Variants in ADAMTSL3 observed in about 807,000 individuals in gnomAD.
The protein encoded by ADAMTSL3 is ADAMTS like 3.
In ADAMTSL3, 128 loss-of-function variants were observed where a neutral mutation model predicts 201.7. The ratio of observed to expected loss-of-function variants is 0.63; its 90% CI spans 0.55 to 0.73. The LOEUF (loss-of-function observed/expected upper bound fraction) is 0.73, where lower values mean the gene tolerates loss of function less well. Ranked by LOEUF, ADAMTSL3 falls within the 30% of genes least tolerant of loss-of-function variation. The pLI is 0.00. For synonymous variants in ADAMTSL3, 738 were observed against 748.4 expected, an observed-to-expected ratio of 0.99 and a Z score of 0.23; for missense variants, 1,990 against 2,119.6, an observed-to-expected ratio of 0.94 and a Z score of 1.20.
At chr15:83,746,717 C>T (rs942712675) in intron 3 of ADAMTSL3, among the ~76,000 whole-genome samples, 9 of 152,056 alleles carry the variant, frequency 5.9e-5, no homozygotes, top group African/African-American at 2.2e-4. Flanking sequence ...AAAGTGAAGT[C>T]AGCCAGGCAT....
intron 3 of ADAMTSL3, among the ~76,000 whole-genome samples, chr15:83,714,167 G>A (rs963047887): frequency 6.6e-6 from 1 of 152,112 alleles, no homozygotes; most frequent in Non-Finnish European, 1.5e-5. Flanking sequence ...GGCTTTCCTG[G>A]CACTGAGACA....
intron 23 of ADAMTSL3, among the ~76,000 whole-genome samples, chr15:84,005,548 T>C (rs1047994857): frequency 2.0e-5 from 3 of 152,202 alleles, no homozygotes; most frequent in Non-Finnish European, 2.9e-5. Flanking sequence ...ACTGGCACTT[T>C]CTAGCCTATA....
rs142866961 is a variant in ADAMTSL3, at chr15:83,817,941, G to A, written c.364-1870G>A. 6.3e-3 allele frequency among the ~76,000 whole-genome samples: 961 copies of A among 152,186 alleles called. 9 individuals carry two copies. The highest frequency in any genetic ancestry group is 0.021 in the African/African-American group (887 of 41,530). On this transcript the variant is annotated intron_variant, in intron 5 of 29. Transcript: ENST00000286744. ...CGGGCACCTGTAATCCCAGCTACTC[G>A]AGAGGCTGAGACAGGAGAATCACTT...
Position 83,823,937 on chromosome 15 carries a change from CT to C in ADAMTSL3, c.600+3892del, listed in dbSNP as rs1567169629. 5.2e-3 allele frequency among the ~76,000 whole-genome samples: 626 copies of C among 121,470 alleles called. 36 individuals carry two copies. The East Asian group carries it at 0.067, about 13-fold the overall frequency. The allele number at this position is 121,470 out of a possible 152,430, so 79.7% of individuals were successfully genotyped here. On this transcript the variant is annotated intron_variant, in intron 6 of 29. Coordinates refer to ENST00000286744, the MANE Select transcript of ADAMTSL3 (RefSeq NM_207517.3). ...TCTTCTTCTTCTTCTTCTTCTTCTT[CT>C]TCTTCTTCTTCTTCTTCTTCTTCTT...
rs185596529 is a variant in ADAMTSL3, at chr15:83,792,697, C to T, written c.318-11953C>T. 1.5e-3 allele frequency among the ~76,000 whole-genome samples: 222 copies of T among 151,902 alleles called. 1 individual carries two copies. Among genetic ancestry groups the T allele is most frequent in the African/African-American group, 5.2e-3 (216 of 41,398 alleles). On this transcript the variant is annotated intron_variant, in intron 4 of 29. Transcript: ENST00000286744. ...ACTCAGGAGGCTGAGGCAGGAGAAT[C>T]GCTTGAACCTGGGAGACAGAGGTTG...
chr15:83,862,661 A>C (rs1044170521), intron 8 of ADAMTSL3: 18 of 152,238 alleles, frequency 1.2e-4, no homozygotes, highest in Non-Finnish European at 2.5e-4. Flanking sequence ...GCCACTGCAA[A>C]AACATGCCAA....
At chr15:83,787,668 C>G (rs912454258) in intron 4 of ADAMTSL3, among the ~76,000 whole-genome samples, 2 of 152,156 alleles carry the variant, frequency 1.3e-5, no homozygotes, top group African/African-American at 4.8e-5. Context: ...CTATCTGATT[C>G]TCTTGGTGTT....
chr15:83,951,003 C>CTTT (rs75663059), intron 19 of ADAMTSL3, among the ~76,000 whole-genome samples: 1 of 133,468 alleles, frequency 7.5e-6, no homozygotes, highest in Non-Finnish European at 1.6e-5. Context: ...CTTTTCTTTT[C>CTTT]TTTTTTTTTT....
intron 16 of ADAMTSL3, among the ~76,000 whole-genome samples, chr15:83,919,536 T>C (rs181166966): frequency 2.6e-5 from 4 of 152,130 alleles, no homozygotes; most frequent in African/African-American, 9.6e-5. Context: ...GGAAACCAGA[T>C]TTGAAAGGGT....
At chr15:83,800,287 C>T (rs2063497001) in intron 4 of ADAMTSL3, among the ~76,000 whole-genome samples, 1 of 152,108 alleles carries the variant, frequency 6.6e-6, no homozygotes, top group African/African-American at 2.4e-5. Flanking sequence ...ATAAAATGCT[C>T]TCTTTTTCAT....
intron 13 of ADAMTSL3, among the ~76,000 whole-genome samples, chr15:83,893,141 A>G (rs1406432388): frequency 6.6e-6 from 1 of 152,206 alleles, no homozygotes; most frequent in Non-Finnish European, 1.5e-5. Context: ...CGTAATTAAT[A>G]TTAAGTACTG....
intron 3 of ADAMTSL3, among the ~76,000 whole-genome samples, chr15:83,765,942 A>G (rs1020168701): frequency 6.6e-6 from 1 of 152,232 alleles, no homozygotes; most frequent in Non-Finnish European, 1.5e-5. Flanking sequence ...ATTAGAAATT[A>G]TAGATGATCA....
intron 2 of ADAMTSL3, among the ~76,000 whole-genome samples, chr15:83,698,802 C>T (rs764347087): frequency 3.7e-4 from 57 of 152,172 alleles, no homozygotes; most frequent in Non-Finnish European, 5.7e-4. Flanking sequence ...TCAAAGTCAA[C>T]GTTGACTTCC....
At chr15:83,956,017 C>T (rs1415381057) in intron 19 of ADAMTSL3, among the ~76,000 whole-genome samples, 7 of 152,142 alleles carry the variant, frequency 4.6e-5, no homozygotes, top group African/African-American at 1.7e-4. Flanking sequence ...CCTTCCTAGA[C>T]TGCCTTTCAA....
chr15:83,731,107 T>A (rs1283782706), intron 3 of ADAMTSL3, among the ~76,000 whole-genome samples: 1 of 152,118 alleles, frequency 6.6e-6, no homozygotes. Context: ...ATTTATGGAC[T>A]CACTCTTTGG....
rs977413504 is a variant in ADAMTSL3, at chr15:83,891,220, C to T, written c.1212-109C>T. On this transcript the variant is annotated intron_variant, in intron 11 of 29. Coordinates refer to ENST00000286744, the MANE Select transcript of ADAMTSL3 (RefSeq NM_207517.3). ...TGATAACACTTGATATTTTTAGTTT[C>T]CAATTTGGAAGAGCTCTGTCTCTTG... The T allele has an allele frequency of 6.3e-6, 6 of 948,418 alleles. No individual in the cohort carries two copies. In the African/African-American group the frequency reaches 8.3e-5, roughly 13 times the overall value. 58.8% of individuals were successfully genotyped at this position (948,418 alleles called of 1,614,324 possible).
intron 8 of ADAMTSL3, among the ~76,000 whole-genome samples, chr15:83,867,164 A>G (rs2064996336): frequency 6.6e-6 from 1 of 152,232 alleles, no homozygotes; most frequent in Non-Finnish European, 1.5e-5. Flanking sequence ...TTCTTTTAAT[A>G]TCCACATTAA....
At chr15:83,903,426 T>A (rs543496295) in intron 15 of ADAMTSL3, among the ~76,000 whole-genome samples, 1 of 152,058 alleles carries the variant, frequency 6.6e-6, no homozygotes, top group African/African-American at 2.4e-5. Context: ...CAGCAATAAC[T>A]CCCTACTCCC....
Position 84,021,538 on chromosome 15 carries a change from C to T in ADAMTSL3, c.4402C>T (p.Leu1468Phe). Residue 1468 changes from leucine (L) to phenylalanine (F), a missense_variant, in exon 26 of 30, where the codon CTC becomes TTC. Leu to Phe is a conservative substitution (Grantham distance 22, BLOSUM62 0). Transcript: ENST00000286744. ...AGTGAGTGAGGCCCTGTGTGATCAC[C>T]TCCAGAAGCCACTGGCTGGGTTTGA... ...QEVSEALCDH[L>F]QKPLAGFEPC... The T allele has an allele frequency of 1.9e-6, 3 of 1,614,164 alleles. No homozygotes were observed. Among genetic ancestry groups the T allele is most frequent in the Non-Finnish European group, 2.5e-6 (3 of 1,180,016 alleles).
Sources: gnomAD v4.1 joint callset for allele counts (sites outside exome capture counted in the v4.1 genomes callset) on GRCh38, gnomAD v4.1.1 for gene constraint, MANE v1.5 for transcripts, NCBI Gene and HGNC (gene_info 2026-07-23, HGNC 2026-07-21) for gene names.